The following TNIK variants were observed in gnomAD, a reference collection of about 807,000 sequenced individuals.
TNIK encodes TRAF2 and NCK interacting kinase.
In TNIK, 49 loss-of-function variants were observed where a neutral mutation model predicts 191.3. That is an observed-to-expected ratio of 0.26 (90% CI 0.20 to 0.32). The LOEUF (loss-of-function observed/expected upper bound fraction) is 0.32. Among genes scored for constraint, TNIK ranks in the 10% least tolerant of loss-of-function variants. The probability of loss-of-function intolerance (pLI) is 1.00; values close to 1 mark genes in which losing one functional copy is unlikely to be tolerated. For missense variants in TNIK, 1,155 were observed against 1,702.3 expected, an observed-to-expected ratio of 0.68 and a Z score of 5.66; for synonymous variants, 594 against 600.9, an observed-to-expected ratio of 0.99 and a Z score of 0.17.
chr3:171,381,346 G>C (rs1718002434), intron 1 of TNIK, among the ~76,000 whole-genome samples: 1 of 152,114 alleles, frequency 6.6e-6, no homozygotes, highest in African/African-American at 2.4e-5. Context: ...GCCTCTCAAA[G>C]CTTTTAATGT....
intron 18 of TNIK, among the ~76,000 whole-genome samples, chr3:171,113,861 C>T (rs934197301): frequency 2.6e-5 from 4 of 151,774 alleles, no homozygotes; most frequent in Admixed American, 6.6e-5. Flanking sequence ...GCTTTGCCTG[C>T]GTTGAGCACA....
chr3:171,398,209 T>C (rs1720489656), intron 1 of TNIK, among the ~76,000 whole-genome samples: 1 of 152,218 alleles, frequency 6.6e-6, no homozygotes, highest in Non-Finnish European at 1.5e-5. Flanking sequence ...CATTCCTCCT[T>C]AGACTGTCAC....
chr3:171,194,358 A>C (rs1013620575), intron 5 of TNIK, among the ~76,000 whole-genome samples, 167 bp downstream of exon 5: 2 of 152,148 alleles, frequency 1.3e-5, no homozygotes, highest in Non-Finnish European at 2.9e-5. Context: ...CCTTCACACC[A>C]AACTACCACT....
intron 30 of TNIK, among the ~76,000 whole-genome samples, chr3:171,067,938 G>A (rs1451745690): frequency 2.6e-5 from 4 of 152,156 alleles, no homozygotes; most frequent in Non-Finnish European, 4.4e-5. Flanking sequence ...AGTCGTGTGT[G>A]TGTATGTAAT....
At chr3:171,294,935 T>G (rs1752097089) in intron 2 of TNIK, among the ~76,000 whole-genome samples, 1 of 151,552 alleles carries the variant, frequency 6.6e-6, no homozygotes, top group Admixed American at 6.6e-5. Flanking sequence ...CATTCAGAGA[T>G]TAAGGATGAC....
At chr3:171,337,464 C>T (rs1003230955) in intron 2 of TNIK, among the ~76,000 whole-genome samples, 29 of 152,306 alleles carry the variant, frequency 1.9e-4, no homozygotes, top group African/African-American at 6.7e-4. Flanking sequence ...CTGTGGGACG[C>T]CTTTGCATGT....
chr3:171,446,217 G>A (rs963980978), intron 1 of TNIK, among the ~76,000 whole-genome samples: 1 of 152,124 alleles, frequency 6.6e-6, no homozygotes, highest in Non-Finnish European at 1.5e-5. Context: ...ATCAGAGAGG[G>A]TATTTAATTA....
chr3:171,341,165 T>G (rs1405040864), intron 2 of TNIK, among the ~76,000 whole-genome samples: 2 of 152,128 alleles, frequency 1.3e-5, no homozygotes, highest in East Asian at 3.8e-4. Flanking sequence ...TCCACTACAA[T>G]GTACACTTAA....
rs1230241687 is a variant in TNIK at position 171,060,262 on chromosome 3, A to G, written c.*3619T>C. On this transcript the variant is annotated 3_prime_UTR_variant, in exon 33 of 33. Transcript: ENST00000436636. ...CCTTTCCTGGCAGTGGATAAAACCA[A>G]AATGGTTCTGGCTGGAATTTCACAT... is the stretch of plus-strand genomic sequence containing the variant. Among the ~76,000 whole-genome samples the G allele has an allele frequency of 6.6e-6, 1 of 152,170 alleles. No individual in the cohort carries two copies. Among genetic ancestry groups the G allele is most frequent in the African/African-American group, 2.4e-5 (1 of 41,450 alleles).
intron 21 of TNIK, among the ~76,000 whole-genome samples, chr3:171,102,985 TTTTACGTGGTCTAGAAA>T (rs1723850023): frequency 6.6e-6 from 1 of 152,200 alleles, no homozygotes; most frequent in Non-Finnish European, 1.5e-5. Flanking sequence ...ACTTTAGGTG[TTTTACGTGGTCTAGAAA>T]TTTAGGCAAT....
chr3:171,398,385 C>T (rs1053877306), intron 1 of TNIK, among the ~76,000 whole-genome samples: 3 of 152,148 alleles, frequency 2.0e-5, no homozygotes, highest in South Asian at 4.1e-4. Context: ...GTTGGGATAG[C>T]GTAAAAGAAC....
chr3:171,293,792 A>G (rs907621681), intron 2 of TNIK, among the ~76,000 whole-genome samples: 1 of 152,206 alleles, frequency 6.6e-6, no homozygotes, highest in African/African-American at 2.4e-5. Context: ...TTAAAGAAAA[A>G]TAATAGGCCA....
intron 2 of TNIK, among the ~76,000 whole-genome samples, chr3:171,240,520 T>G (rs150419104): frequency 6.7e-6 from 1 of 150,230 alleles, no homozygotes; most frequent in Non-Finnish European, 1.5e-5. Flanking sequence ...TTTAGTGTGA[T>G]TGAGGTTCCA....
Position 171,082,362 on chromosome 3 carries a change from G to A in TNIK, c.3202C>T (p.Leu1068=). The A allele has an allele frequency of 6.2e-7, 1 of 1,613,848 alleles. No homozygotes were observed. Among genetic ancestry groups the A allele is most frequent in the Non-Finnish European group, 8.5e-7 (1 of 1,179,820 alleles). ...VNLLVGTENG[L]MLLDRSGQGK... Reference sequence around the variant, plus strand: ...TGCCCACTTCGGTCCAAAAGCATCAGGCCATTTTCAGTCCCCACCAGAAGG... The same window carrying A: ...TGCCCACTTCGGTCCAAAAGCATCAAGCCATTTTCAGTCCCCACCAGAAGG... The change falls in exon 27 of 33, where the codon CTG becomes TTG. Residue 1068 remains leucine (L), a synonymous_variant. Coordinates refer to ENST00000436636, the MANE Select transcript of TNIK (RefSeq NM_015028.4).
rs1160951639 is a variant in TNIK at position 171,366,348 on chromosome 3, A to G, written c.123+3272T>C. ...AAACAAATCTAACCTTGCCCAAAAC[A>G]GGAATAAGCTAAAATTGGGAGTAAG... On this transcript the variant is annotated intron_variant, in intron 2 of 32. Coordinates refer to ENST00000436636, the MANE Select transcript of TNIK (RefSeq NM_015028.4). This position sits in a 1 kb window ranked among gnomAD's most constrained non-coding sequence, Gnocchi z 4.1. Among the ~76,000 whole-genome samples, 2 of 152,218 alleles carry G rather than the reference A, an allele frequency of 1.3e-5. No homozygotes were observed. The highest frequency in any genetic ancestry group is 2.9e-5 in the Non-Finnish European group (2 of 68,042).
intron 2 of TNIK, among the ~76,000 whole-genome samples, chr3:171,265,032 G>GTGGCA (rs1229496466): frequency 2.0e-5 from 3 of 152,192 alleles, no homozygotes; most frequent in Non-Finnish European, 4.4e-5. Flanking sequence ...GAAGTTCCAC[G>GTGGCA]TGGCATGGCA....
intron 1 of TNIK, among the ~76,000 whole-genome samples, chr3:171,431,920 CACA>C (rs1725436654): frequency 6.6e-6 from 1 of 152,212 alleles, no homozygotes; most frequent in African/African-American, 2.4e-5. Flanking sequence ...TACACAGAAA[CACA>C]ACAATAAGCC....
chr3:171,403,606 C>A lies in TNIK; in HGVS notation c.58-33921G>T, dbSNP rs1274429459. ...TCCAACCTGGGCGACAGTGAGACTCCGTATCAAAAAAAAAAAAAAAAAAAA... is the reference window on the plus strand; with the variant it reads ...TCCAACCTGGGCGACAGTGAGACTCAGTATCAAAAAAAAAAAAAAAAAAAA... On this transcript the variant is annotated intron_variant, in intron 1 of 32. Transcript: ENST00000436636. Among the ~76,000 whole-genome samples the A allele has an allele frequency of 2.9e-5, 3 of 104,584 alleles. No homozygotes were observed. In the South Asian group the frequency reaches 9.7e-4, roughly 34 times the overall value. 68.6% of individuals were successfully genotyped at this position (104,584 alleles called of 152,430 possible). A position where few individuals can be genotyped will look rare whatever the true frequency, so the allele number is the denominator to read the frequency against.
rs1026355045 is a variant in TNIK at position 171,107,046 on chromosome 3, C to T, written c.2406+137G>A. ...TAAAGTTGGCTTCCATTTGAAGGGG[C>T]ACTCCTCCCAGCAGATTGCTACAAA... On this transcript the variant is annotated intron_variant, in intron 21 of 32. Transcript: ENST00000436636. The T allele has an allele frequency of 3.1e-5, 26 of 848,996 alleles. No individual in the cohort carries two copies. In the African/African-American group the frequency reaches 4.5e-4, roughly 15 times the overall value. 52.6% of individuals were successfully genotyped at this position (848,996 alleles called of 1,614,324 possible).
Sources: gnomAD v4.1 joint callset for allele counts (sites outside exome capture counted in the v4.1 genomes callset) on GRCh38, gnomAD v4.1.1 for gene constraint, Gnocchi (gnomAD v3.1) non-coding constraint, MANE v1.5 for transcripts, NCBI Gene and HGNC (gene_info 2026-07-23, HGNC 2026-07-21) for gene names.